The following STK10 variants were observed in gnomAD, a reference collection of about 807,000 sequenced individuals.
The protein encoded by STK10 is serine/threonine kinase 10.
STK10 carries 78 observed loss-of-function variants against 113.8 expected under a neutral mutation model. The observed-to-expected ratio is 0.69, with a 90% confidence interval of 0.57 to 0.83. The LOEUF (loss-of-function observed/expected upper bound fraction) is 0.83, where lower values mean the gene tolerates loss of function less well. STK10 is among the 40% of genes least tolerant of loss of function. STK10 has a pLI of 0.00. For synonymous variants in STK10, 465 were observed against 494.7 expected, an observed-to-expected ratio of 0.94 and a Z score of 0.80; for missense variants, 1,109 against 1,280.1, an observed-to-expected ratio of 0.87 and a Z score of 2.04.
chr5:172,183,157 T>C (rs987404661), intron 1 of STK10, among the ~76,000 whole-genome samples: 6 of 152,136 alleles, frequency 3.9e-5, no homozygotes, highest in Non-Finnish European at 8.8e-5. Flanking sequence ...AAGTAAGCAA[T>C]GATGGTGCCA....
At chr5:172,106,877 T>C (rs1769126041) in intron 5 of STK10, 63 bp from the exon 6 acceptor site, 7 of 1,517,808 alleles carry the variant, frequency 4.6e-6, no homozygotes, top group Non-Finnish European at 6.2e-6. Flanking sequence ...TTCTTGGACA[T>C]TCAGGGTCAA....
At chr5:172,147,997 T>C (rs1770120732) in intron 2 of STK10, among the ~76,000 whole-genome samples, 1 of 152,194 alleles carries the variant, frequency 6.6e-6, no homozygotes, top group Admixed American at 6.5e-5. Context: ...TTCACACATC[T>C]GTTGGCTGAT....
chr5:172,106,512 G>T, intron 6 of STK10, 108 bp downstream of exon 6: 1 of 1,229,840 alleles, frequency 8.1e-7, no homozygotes, highest in Non-Finnish European at 1.1e-6. Context: ...GGAGCTAGCA[G>T]CACCAGGAGA....
At chr5:172,105,847 C>A (rs2113763109) in intron 6 of STK10, 110 bp from the exon 7 acceptor site, 1 of 930,214 alleles carries the variant, frequency 1.1e-6, no homozygotes, top group Non-Finnish European at 1.7e-6. Context: ...ACAGAGGAAA[C>A]TTTCACAAGC....
chr5:172,097,501 G>A (rs1389083595), intron 7 of STK10, among the ~76,000 whole-genome samples: 1 of 152,268 alleles, frequency 6.6e-6, no homozygotes, highest in Admixed American at 6.5e-5. Flanking sequence ...TAGAAACAGA[G>A]CATCGTGTGT....
At chr5:172,108,461 C>T (rs530313269) in intron 4 of STK10, among the ~76,000 whole-genome samples, 2 of 151,956 alleles carry the variant, frequency 1.3e-5, no homozygotes, top group South Asian at 4.2e-4. Context: ...ACTAAAAATA[C>T]AAAAATTAGC....
intron 1 of STK10, among the ~76,000 whole-genome samples, chr5:172,176,585 T>C (rs149428609): frequency 2.0e-5 from 3 of 152,188 alleles, no homozygotes; most frequent in Admixed American, 6.5e-5. Context: ...GTCGCCTCTC[T>C]GGTCATGGCC....
intron 10 of STK10, among the ~76,000 whole-genome samples, chr5:172,088,356 T>C (rs1768617344): frequency 6.6e-6 from 1 of 152,054 alleles, no homozygotes; most frequent in Non-Finnish European, 1.5e-5. Context: ...AAACCCCGTG[T>C]GTACTAAAAA....
intron 1 of STK10, among the ~76,000 whole-genome samples, chr5:172,158,142 T>C (rs1770392925): frequency 6.6e-6 from 1 of 152,118 alleles, no homozygotes; most frequent in Non-Finnish European, 1.5e-5. Flanking sequence ...TGGTGAGGAC[T>C]GGAGAAGTTA....
chr5:172,069,842 C>T (rs1768138526), intron 12 of STK10, among the ~76,000 whole-genome samples: 1 of 152,176 alleles, frequency 6.6e-6, no homozygotes, highest in Non-Finnish European at 1.5e-5. Flanking sequence ...ATACTCCACT[C>T]AACAACAGCA....
At chr5:172,061,316 AC>A in intron 13 of STK10, 48 bp from the exon 14 acceptor site, 5 of 1,564,740 alleles carry the variant, frequency 3.2e-6, no homozygotes, top group Non-Finnish European at 4.3e-6. Context: ...CGGCTTGGGC[AC>A]CTCCATGTCT....
chr5:172,137,256 G>A (rs1769881965), intron 2 of STK10, among the ~76,000 whole-genome samples: 1 of 152,108 alleles, frequency 6.6e-6, no homozygotes, highest in South Asian at 2.1e-4. Context: ...CCCTATTCAA[G>A]ATAAAGTCAC....
At chr5:172,097,241 T>C (rs1358820950) in intron 7 of STK10, among the ~76,000 whole-genome samples, 1 of 152,224 alleles carries the variant, frequency 6.6e-6, no homozygotes, top group Non-Finnish European at 1.5e-5. Flanking sequence ...GGTTTCACCA[T>C]GTTGGCCAGG....
intron 7 of STK10, among the ~76,000 whole-genome samples, chr5:172,101,634 C>G (rs1419440154): frequency 6.6e-6 from 1 of 152,046 alleles, no homozygotes; most frequent in African/African-American, 2.4e-5. Context: ...AATAAGCAGG[C>G]AAGTTATATC....
chr5:172,112,708 T>G (rs1262613186), intron 4 of STK10, among the ~76,000 whole-genome samples: 1 of 150,068 alleles, frequency 6.7e-6, no homozygotes, highest in Non-Finnish European at 1.5e-5. Flanking sequence ...TGTGAGCCAC[T>G]GCACCCGGCC....
chr5:172,183,206 C>G (rs7735205), intron 1 of STK10, among the ~76,000 whole-genome samples: 31,782 of 152,012 alleles, frequency 0.21, 4,093 homozygotes, highest in African/African-American at 0.37. Flanking sequence ...GACACTGTCT[C>G]TAAAAACAAA....
chr5:172,076,908 A>G (rs1284956665), intron 12 of STK10, among the ~76,000 whole-genome samples: 1 of 127,636 alleles, frequency 7.8e-6, no homozygotes, highest in African/African-American at 3.5e-5. Context: ...TAGAAGCAGC[A>G]GTTTAGTAAA....
rs114093030 is a variant in STK10 at position 172,105,849 on chromosome 5, T to G, written c.789-112A>C. 6.3e-4 allele frequency: 592 copies of G among 936,584 alleles called. 2 individuals carry two copies. The African/African-American group carries it at 8.8e-3, about 14-fold the overall frequency. The allele number at this position is 936,584 out of a possible 1,614,324, so 58.0% of individuals were successfully genotyped here. A position where few individuals can be genotyped will look rare whatever the true frequency, so the allele number is the denominator to read the frequency against. On this transcript the variant is annotated intron_variant, in intron 6 of 18. Coordinates refer to ENST00000176763, the MANE Select transcript of STK10 (RefSeq NM_005990.4). ...TGCCCCTCAAAGGACAGAGGAAACT[T>G]TCACAAGCTAAAACAGTGACAGGGC...
chr5:172,106,046 G>C (rs890536039), intron 6 of STK10, among the ~76,000 whole-genome samples: 1 of 152,150 alleles, frequency 6.6e-6, no homozygotes. Flanking sequence ...CTGCGGCTCA[G>C]CTGGGGCTCC....
Sources: gnomAD v4.1 joint callset for allele counts (sites outside exome capture counted in the v4.1 genomes callset) on GRCh38, gnomAD v4.1.1 for gene constraint, MANE v1.5 for transcripts, NCBI Gene and HGNC (gene_info 2026-07-23, HGNC 2026-07-21) for gene names.